Variants in ACP5 observed in about 807,000 individuals in gnomAD.
The protein encoded by ACP5 is tartrate-resistant acid phosphatase type 5.
ACP5 carries 24 observed loss-of-function variants against 28.7 expected under a neutral mutation model. The ratio of observed to expected loss-of-function variants is 0.84; its 90% confidence interval spans 0.61 to 1.18. The LOEUF (loss-of-function observed/expected upper bound fraction) is 1.18, where lower values mean the gene tolerates loss of function less well. Among genes scored for constraint, ACP5 ranks in the 50% most tolerant of loss-of-function variants. The probability of loss-of-function intolerance (pLI) is 0.00; values close to 1 mark genes in which losing one functional copy is unlikely to be tolerated. For synonymous variants in ACP5, 154 were observed against 181.4 expected, an observed-to-expected ratio of 0.85 and a Z score of 1.21; for missense variants, 354 against 422.2, an observed-to-expected ratio of 0.84 and a Z score of 1.42.
chr19:11,576,428 G>A lies in ACP5; in HGVS notation c.550C>T (p.Gln184Ter), dbSNP rs1208849844. 1.9e-6 allele frequency: 3 copies of A among 1,613,912 alleles called. No individual in the cohort carries two copies. Among genetic ancestry groups the A allele is most frequent in the Admixed American group, 1.7e-5 (1 of 59,990 alleles). ...RPRDVKLART[Q>*]LSWLKKQLAA... ...AGCTGTTTCTTGAGCCAGGACAGCT[G>A]TGTGCGGGCCAGCTTCACGTCTCGG... Residue 184 changes from glutamine to a stop codon, truncating the protein, a stop_gained, in exon 4 of 5, where the codon CAG becomes TAG. Coordinates refer to ENST00000648477, the MANE Select transcript of ACP5 (RefSeq NM_001611.5). LOFTEE classifies it high-confidence loss of function.
chr19:11,577,491 G>T lies in ACP5; in HGVS notation c.-1+102C>A. On this transcript the variant is annotated intron_variant, in intron 1 of 4. Transcript: ENST00000648477. This position sits in a 1 kb window ranked among gnomAD's most constrained non-coding sequence, Gnocchi z 5.7. The stretch of plus-strand genomic sequence containing the variant: ...CAAGCTGCACAAGGCTGCACAAGCT[G>T]GCTTAGGGAAGGGGGGCGCGGTCTG... 2 of 775,496 alleles carry T rather than the reference G, an allele frequency of 2.6e-6. No homozygotes were observed. The highest frequency in any genetic ancestry group is 4.3e-6 in the Non-Finnish European group (2 of 467,962). The allele number at this position is 775,496 out of a possible 1,614,324, so 48.0% of individuals were successfully genotyped here. A position where few individuals can be genotyped will look rare whatever the true frequency, so the allele number is the denominator to read the frequency against.
At position 11,574,828 on chromosome 19, in the gene ACP5, C is replaced by T. The variant is rs1973065506; in HGVS notation, c.*182G>A. ...GGGACACATGTCCATGTGTGTTTCA[C>T]ATACGTGGGCATCTGTGCCACAAGG... On this transcript the variant is annotated 3_prime_UTR_variant, in exon 5 of 5. Coordinates refer to ENST00000648477, the MANE Select transcript of ACP5 (RefSeq NM_001611.5). 3.8e-6 allele frequency: 2 copies of T among 530,056 alleles called. No homozygotes were observed. The highest frequency in any genetic ancestry group is 6.8e-6 in the Non-Finnish European group (2 of 295,148). The allele number at this position is 530,056 out of a possible 1,614,324, so 32.8% of individuals were successfully genotyped here.
Position 11,577,600 on chromosome 19 carries a change from G to A in ACP5, c.-8C>T, listed in dbSNP as rs1043783165. ...AGCCTGCCCAGCACTCACCCAGGGGGAGACACAGGCCAGTCACCGGAGGCT... is the reference window on the plus strand; with the variant it reads ...AGCCTGCCCAGCACTCACCCAGGGGAAGACACAGGCCAGTCACCGGAGGCT... On this transcript the variant is annotated 5_prime_UTR_variant, in exon 1 of 5. Coordinates refer to ENST00000648477, the MANE Select transcript of ACP5 (RefSeq NM_001611.5). The surrounding 1 kb of genome is among the most constrained non-coding windows in gnomAD (Gnocchi z 5.7). 5 of 544,144 alleles carry A rather than the reference G, an allele frequency of 9.2e-6. No individual in the cohort carries two copies. Among genetic ancestry groups the A allele is most frequent in the African/African-American group, 7.6e-5 (4 of 52,752 alleles). The allele number at this position is 544,144 out of a possible 1,614,324, so 33.7% of individuals were successfully genotyped here.
Position 11,576,767 on chromosome 19 carries a change from T to C in ACP5, c.338A>G (p.His113Arg). 1 of 1,613,776 alleles carries C rather than the reference T, an allele frequency of 6.2e-7. No individual in the cohort carries two copies. The highest frequency in any genetic ancestry group is 8.5e-7 in the Non-Finnish European group (1 of 1,179,914). Reference sequence around the variant, plus strand: ...AATCTGGGCAGAGACATTGCCAAGGTGGTCATGGTTTCCGGCTAGCACGTA... The same window carrying C: ...AATCTGGGCAGAGACATTGCCAAGGCGGTCATGGTTTCCGGCTAGCACGTA... ...PWYVLAGNHD[H>R]LGNVSAQIAY... is the part of the protein sequence containing the mutation. The change falls in exon 3 of 5, where the codon CAC (histidine) becomes CGC (arginine). Residue 113 changes from histidine (H) to arginine (R), a missense_variant. Coordinates refer to ENST00000648477, the MANE Select transcript of ACP5 (RefSeq NM_001611.5).
At position 11,577,403 on chromosome 19, in the gene ACP5, G is replaced by A. The variant is rs746565633; in HGVS notation, c.1-86C>T. The stretch of plus-strand genomic sequence containing the variant: ...GACCCCCGCCTGCCCTGAGATAGAG[G>A]GAGACTGCTTGCTGCAGGCTGCCCC... On this transcript the variant is annotated intron_variant, in intron 1 of 4. Transcript: ENST00000648477. This position sits in a 1 kb window ranked among gnomAD's most constrained non-coding sequence, Gnocchi z 5.7. 3 of 1,477,612 alleles carry A rather than the reference G, an allele frequency of 2.0e-6. No homozygotes were observed. Among genetic ancestry groups the A allele is most frequent in the Non-Finnish European group, 2.8e-6 (3 of 1,078,086 alleles). 91.5% of individuals were successfully genotyped at this position (1,477,612 alleles called of 1,614,324 possible).
chr19:11,576,909 G>C (rs772661435), intron 2 of ACP5, 66 bp from the exon 3 acceptor site: 114 of 1,612,774 alleles, frequency 7.1e-5, no homozygotes, highest in Non-Finnish European at 9.5e-5. Context: ...CTCCCACCAA[G>C]TCAGGATAAG....
Position 11,574,870 on chromosome 19 carries a change from G to C in ACP5, c.*140C>G. 4 of 945,850 alleles carry C rather than the reference G, an allele frequency of 4.2e-6. No individual in the cohort carries two copies. The highest frequency in any genetic ancestry group is 6.5e-6 in the Non-Finnish European group (4 of 611,318). 58.6% of individuals were successfully genotyped at this position (945,850 alleles called of 1,614,324 possible). ...GCCACAAGGGTCATGTGGCACCACA[G>C]TTCATCAGCTGTGTTTCCCCTTCCT... On this transcript the variant is annotated 3_prime_UTR_variant, in exon 5 of 5. Transcript: ENST00000648477.
Position 11,576,671 on chromosome 19 carries a change from C to G in ACP5, c.389+45G>C. 1.9e-6 allele frequency: 3 copies of G among 1,613,912 alleles called. No homozygotes were observed. The African/African-American group carries it at 4.0e-5, about 22-fold the overall frequency. ...GCTCAAGCCACAGGGCCCCTGTGTC[C>G]CTGCTATGTGAGGATCTCGGAAGGC... On this transcript the variant is annotated intron_variant, in intron 3 of 4. Coordinates refer to ENST00000648477, the MANE Select transcript of ACP5 (RefSeq NM_001611.5).
Position 11,576,756 on chromosome 19 carries a change from C to T in ACP5, c.349G>A (p.Val117Ile), listed in dbSNP as rs1433324168. The T allele has an allele frequency of 6.2e-7, 1 of 1,613,972 alleles. No homozygotes were observed. The highest frequency in any genetic ancestry group is 8.5e-7 in the Non-Finnish European group (1 of 1,180,010). The change falls in exon 3 of 5, where the codon GTC becomes ATC. Residue 117 changes from valine to isoleucine, a missense_variant. Transcript: ENST00000648477. ...TTAGAGTATGCAATCTGGGCAGAGA[C>T]ATTGCCAAGGTGGTCATGGTTTCCG... is the stretch of plus-strand genomic sequence containing the variant. Reference protein sequence around the residue: ...LAGNHDHLGNVSAQIAYSKIS... With the variant: ...LAGNHDHLGNISAQIAYSKIS...
Position 11,574,916 on chromosome 19 carries a change from G to A in ACP5, c.*94C>T, listed in dbSNP as rs945692389. 6.8e-7 allele frequency: 1 copy of A among 1,461,720 alleles called. No individual in the cohort carries two copies. The allele number at this position is 1,461,720 out of a possible 1,614,324, so 90.5% of individuals were successfully genotyped here. A position where few individuals can be genotyped will look rare whatever the true frequency, so the allele number is the denominator to read the frequency against. ...TTCCTGCCCTGCTGCAGCGCCACAG[G>A]TTGGAGGAAAAGCCTGCCTGTGAGC... On this transcript the variant is annotated 3_prime_UTR_variant, in exon 5 of 5. Transcript: ENST00000648477.
At chr19:11,575,296 C>T in intron 4 of ACP5, 44 bp from the exon 5 acceptor site, 1 of 1,611,514 alleles carries the variant, frequency 6.2e-7, no homozygotes. Flanking sequence ...CAGCTTTGAG[C>T]AGAGCCCTGC....
chr19:11,575,142 G>C lies in ACP5; in HGVS notation c.846C>G (p.His282Gln), dbSNP rs749645391. Residue 282 changes from histidine (H) to glutamine (Q), a missense_variant, in exon 5 of 5, where the codon CAC (histidine) becomes CAG (glutamine). Physicochemically the swap from His to Gln is conservative, Grantham distance 24 (BLOSUM62 0). Transcript: ENST00000648477. Reference protein sequence around the residue: ...RKVPNGYLRFHYGTEDSLGGF... With the variant: ...RKVPNGYLRFQYGTEDSLGGF... ...CACCCAGTGAGTCTTCAGTCCCATAGTGGAAGCGCAGATAGCCGTTGGGGA... is the reference window on the plus strand; with the variant it reads ...CACCCAGTGAGTCTTCAGTCCCATACTGGAAGCGCAGATAGCCGTTGGGGA... The C allele has an allele frequency of 6.2e-7, 1 of 1,614,240 alleles. No individual in the cohort carries two copies. Among genetic ancestry groups the C allele is most frequent in the Non-Finnish European group, 8.5e-7 (1 of 1,180,052 alleles).
At chr19:11,576,097 G>T in intron 4 of ACP5, 146 bp downstream of exon 4, 1 of 624,456 alleles carries the variant, frequency 1.6e-6, no homozygotes, top group Non-Finnish European at 2.8e-6. Flanking sequence ...TGTTTTCCTG[G>T]TTAGACAGCA....
At chr19:11,577,697 C>A, upstream of ACP5, 1 of 352,656 alleles carries the variant, frequency 2.8e-6, no homozygotes, top group Non-Finnish European at 5.5e-6. The surrounding 1 kb of genome is among the most constrained non-coding windows in gnomAD (Gnocchi z 5.7). Context: ...GGAAGTGGAT[C>A]ATTAGTGAGG....
At position 11,576,295 on chromosome 19, in the gene ACP5, AGCAGTG is replaced by A; in HGVS notation, c.677_682del (p.Pro226_Leu227del). 6 of 1,610,972 alleles carry A rather than the reference AGCAGTG, an allele frequency of 3.7e-6. No homozygotes were observed. The highest frequency in any genetic ancestry group is 5.1e-6 in the Non-Finnish European group (6 of 1,179,984). ...GTAGGCAGTGACCCCGTATGTGGCC[AGCAGTG>A]GCCGTAGCTGCTTGACCAGGCAGTG... On this transcript the variant is annotated inframe_deletion, in exon 4 of 5. Transcript: ENST00000648477.
chr19:11,576,022 A>AAAAAAAAAAAAAAAAAAG, intron 4 of ACP5, among the ~76,000 whole-genome samples: 1 of 151,372 alleles, frequency 6.6e-6, no homozygotes, highest in African/African-American at 2.4e-5. Context: ...AAAAAAAAAA[A>AAAAAAAAAAAAAAAAAAG]AAGAGCTTAA....
In ACP5 at chr19:11,575,007, A is replaced by G. The variant is rs994760784; in HGVS notation, c.*3T>C. ...GGCCTCAGAGCTGGGCAGTCATGGG[A>G]GTTCAGGGCCTGGCTCGCCTCGGCA... On this transcript the variant is annotated 3_prime_UTR_variant, in exon 5 of 5. Coordinates refer to ENST00000648477, the MANE Select transcript of ACP5 (RefSeq NM_001611.5). The G allele has an allele frequency of 1.2e-6, 2 of 1,613,948 alleles. No homozygotes were observed. The highest frequency in any genetic ancestry group is 1.3e-5 in the African/African-American group (1 of 74,908).
At position 11,576,523 on chromosome 19, in the gene ACP5, A is replaced by G; in HGVS notation, c.455T>C (p.Ile152Thr). ...TAGTGTCACTGTGTCCAGCATAAAA[A>G]TGGCCACAGACACATTGGTCTGTGG... ...KIPQTNVSVA[I>T]FMLDTVTLCG... The change falls in exon 4 of 5, where the codon ATT becomes ACT. Residue 152 changes from isoleucine (I) to threonine (T), a missense_variant. Transcript: ENST00000648477. 2.5e-6 allele frequency: 4 copies of G among 1,614,128 alleles called. No homozygotes were observed. Among genetic ancestry groups the G allele is most frequent in the Non-Finnish European group, 3.4e-6 (4 of 1,180,010 alleles).
intron 2 of ACP5, 63 bp downstream of exon 2, chr19:11,576,994 A>C (rs749972758): frequency 5.6e-6 from 9 of 1,610,070 alleles, no homozygotes; most frequent in Non-Finnish European, 7.6e-6. Context: ...GAAGGTCACT[A>C]GGTAAGGCGG....
Sources: allele counts gnomAD v4.1 joint callset (sites outside exome capture counted in the v4.1 genomes callset), GRCh38; gene constraint gnomAD v4.1.1; non-coding constraint Gnocchi (gnomAD v3.1); transcripts MANE v1.5; gene names NCBI Gene and HGNC (gene_info 2026-07-23, HGNC 2026-07-21).